CNTNAP3B: variants seen among roughly 807,000 people sequenced by gnomAD.
CNTNAP3B encodes the protein contactin-associated protein-like 3B.
In CNTNAP3B, 25 loss-of-function variants were observed where a neutral mutation model predicts 108.9. The ratio of observed to expected loss-of-function variants is 0.23; its 90% CI spans 0.17 to 0.32. CNTNAP3B has a LOEUF of 0.32. Among genes scored for constraint, CNTNAP3B ranks in the 10% least tolerant of loss-of-function variants. The pLI, the probability that CNTNAP3B is intolerant of heterozygous loss-of-function variation, is 1.00. For synonymous variants in CNTNAP3B, 103 were observed against 473.4 expected (o/e 0.22, Z 10.16); for missense variants, 252 against 1,210.4 (o/e 0.21, Z 11.75).
chr9:41,945,454 A>T (rs1347492694), intron 13 of CNTNAP3B, among the ~76,000 whole-genome samples: 1 of 151,666 alleles, frequency 6.6e-6, no homozygotes, highest in African/African-American at 2.4e-5. Flanking sequence ...GGATGAGTTC[A>T]TGTCCTTTGT....
At chr9:41,927,078 T>G (rs1353455614) in intron 15 of CNTNAP3B, among the ~76,000 whole-genome samples, 1 of 152,290 alleles carries the variant, frequency 6.6e-6, no homozygotes, top group Non-Finnish European at 1.5e-5. Context: ...TAATAATTCT[T>G]GAAGATAAAA....
chr9:42,036,257 A>G (rs1169243621), intron 3 of CNTNAP3B, among the ~76,000 whole-genome samples: 40 of 142,830 alleles, frequency 2.8e-4, no homozygotes, highest in African/African-American at 1.0e-3. Context: ...ATCTAAATAT[A>G]TGGAATAAAA....
intron 15 of CNTNAP3B, among the ~76,000 whole-genome samples, chr9:41,928,470 G>A (rs1823880695): frequency 6.6e-6 from 1 of 151,934 alleles, no homozygotes; most frequent in Non-Finnish European, 1.5e-5. Flanking sequence ...CGATAGTGAT[G>A]TTGTGTTCTC....
chr9:42,123,695 G>A lies in CNTNAP3B; in HGVS notation c.85+5315C>T, dbSNP rs1433463325. Among the ~76,000 whole-genome samples, 3 of 138,296 alleles carry A rather than the reference G, an allele frequency of 2.2e-5. 1 individual carries two copies. The highest frequency in any genetic ancestry group is 1.5e-4 in the Admixed American group (2 of 13,726). The allele number at this position is 138,296 out of a possible 152,430, so 90.7% of individuals were successfully genotyped here. ...TCCTAACTCTACATTTGCCTGAGAA[G>A]CAATGACATTCAATAAACTTTTTTC... On this transcript the variant is annotated intron_variant, in intron 1 of 23. Coordinates refer to ENST00000377561, the MANE Select transcript of CNTNAP3B (RefSeq NM_001201380.3).
chr9:42,108,002 G>A (rs182477325), intron 1 of CNTNAP3B, among the ~76,000 whole-genome samples: 1,503 of 133,786 alleles, frequency 0.011, 210 homozygotes, highest in Non-Finnish European at 0.018. Flanking sequence ...AGAAAGAAAG[G>A]CACTAAATTT....
In CNTNAP3B at chr9:42,096,088, G is replaced by A. The variant is rs989300319; in HGVS notation, c.196+8541C>T. On this transcript the variant is annotated intron_variant, in intron 2 of 23. Coordinates refer to ENST00000377561, the MANE Select transcript of CNTNAP3B (RefSeq NM_001201380.3). ...TTGGATAACTGGGGCTGTCCTCACC[G>A]GCCACCAGAGCTGCCGCAGGGCGTC... Among the ~76,000 whole-genome samples, 87 of 139,592 alleles carry A rather than the reference G, an allele frequency of 6.2e-4. 12 individuals carry two copies. The highest frequency in any genetic ancestry group is 3.5e-3 in the Middle Eastern group (1 of 286). The allele number at this position is 139,592 out of a possible 152,430, so 91.6% of individuals were successfully genotyped here.
chr9:42,028,081 T>TTATA (rs1826442807), intron 3 of CNTNAP3B, among the ~76,000 whole-genome samples: 1 of 45,440 alleles, frequency 2.2e-5, no homozygotes, highest in East Asian at 1.2e-3. Context: ...ATAATCAATG[T>TTATA]GTCACCTTTT....
intron 3 of CNTNAP3B, among the ~76,000 whole-genome samples, chr9:42,028,726 A>G (rs1402206615): frequency 6.7e-6 from 1 of 150,230 alleles, no homozygotes; most frequent in African/African-American, 2.5e-5. Context: ...TAAGGGAAAT[A>G]TGTTGATTAT....
Position 42,112,379 on chromosome 9 carries a change from C to T in CNTNAP3B, c.86-7640G>A, listed in dbSNP as rs1267301820. The stretch of plus-strand genomic sequence containing the variant: ...GCAGCACCTCACTCACAGGGAGCCA[C>T]ACAGCAGCCATGTGCGGCGGCAGAT... On this transcript the variant is annotated intron_variant, in intron 1 of 23. Coordinates refer to ENST00000377561, the MANE Select transcript of CNTNAP3B (RefSeq NM_001201380.3). Among the ~76,000 whole-genome samples, 6 of 139,402 alleles carry T rather than the reference C, an allele frequency of 4.3e-5. 1 individual carries two copies. The East Asian group carries it at 1.3e-3, about 30-fold the overall frequency. The allele number at this position is 139,402 out of a possible 152,430, so 91.5% of individuals were successfully genotyped here. A position where few individuals can be genotyped will look rare whatever the true frequency, so the allele number is the denominator to read the frequency against.
chr9:41,945,634 G>A (rs1341856840), intron 13 of CNTNAP3B, among the ~76,000 whole-genome samples: 2 of 152,310 alleles, frequency 1.3e-5, no homozygotes, highest in Admixed American at 6.5e-5. Context: ...GGGGAGAGGG[G>A]AGGAATAGCA....
At chr9:42,054,032 C>A (rs1827009374) in intron 3 of CNTNAP3B, among the ~76,000 whole-genome samples, 2 of 152,050 alleles carry the variant, frequency 1.3e-5, no homozygotes, top group Non-Finnish European at 2.9e-5. Context: ...AGCTAACTTA[C>A]TTTGAACTTC....
At chr9:41,919,752 CT>C (rs1396927473) in intron 18 of CNTNAP3B, among the ~76,000 whole-genome samples, 1 of 152,288 alleles carries the variant, frequency 6.6e-6, no homozygotes, top group African/African-American at 2.4e-5. Flanking sequence ...AAGAATGATG[CT>C]TTACTGATGT....
intron 13 of CNTNAP3B, among the ~76,000 whole-genome samples, chr9:41,943,950 T>C (rs1379155664): frequency 6.6e-6 from 1 of 152,220 alleles, no homozygotes; most frequent in African/African-American, 2.4e-5. Flanking sequence ...CAGAGTAAAA[T>C]AAAACACCTT....
chr9:42,000,491 AT>A (rs1312505993), intron 4 of CNTNAP3B, among the ~76,000 whole-genome samples: 4 of 91,562 alleles, frequency 4.4e-5, no homozygotes, highest in East Asian at 3.5e-4. Flanking sequence ...TATTTGAGCT[AT>A]TTTTTTTTAG....
intron 4 of CNTNAP3B, among the ~76,000 whole-genome samples, chr9:42,001,381 C>A (rs1223869896): frequency 7.7e-6 from 1 of 129,960 alleles, no homozygotes; most frequent in African/African-American, 3.2e-5. Flanking sequence ...GTCACTGCAC[C>A]CCAGCCTGGG....
intron 2 of CNTNAP3B, 39 bp from the exon 3 acceptor site, chr9:42,077,101 G>C: frequency 6.6e-7 from 1 of 1,524,508 alleles, no homozygotes; most frequent in Non-Finnish European, 8.8e-7. Context: ...TGGTAGAGGA[G>C]GAAGTTATTT....
In CNTNAP3B at chr9:42,110,531, TAA is replaced by T. The variant is rs370874060; in HGVS notation, c.86-5794_86-5793del. 9.4e-4 allele frequency among the ~76,000 whole-genome samples: 113 copies of T among 119,832 alleles called. 8 individuals carry two copies. Among genetic ancestry groups the T allele is most frequent in the South Asian group, 1.1e-3 (4 of 3,672 alleles). 78.6% of individuals were successfully genotyped at this position (119,832 alleles called of 152,430 possible). ...AGATGTACAGAAAACCTCTTTGTTC[TAA>T]AAAAAAAAAAAAGAAAAAAAAAGAT... On this transcript the variant is annotated intron_variant, in intron 1 of 23. Coordinates refer to ENST00000377561, the MANE Select transcript of CNTNAP3B (RefSeq NM_001201380.3).
chr9:41,934,083 C>T (rs1438792247), intron 14 of CNTNAP3B, among the ~76,000 whole-genome samples: 1 of 58,896 alleles, frequency 1.7e-5, no homozygotes, highest in South Asian at 5.3e-4. Context: ...TGTCAATTTG[C>T]CTTTGCATAT....
intron 3 of CNTNAP3B, among the ~76,000 whole-genome samples, chr9:42,030,188 T>C: frequency 1.3e-5 from 1 of 77,702 alleles, no homozygotes; most frequent in Non-Finnish European, 2.4e-5. Context: ...GAAATAAAAG[T>C]TAAGCTAAAA....
Sources: gnomAD v4.1 joint callset for allele counts (sites outside exome capture counted in the v4.1 genomes callset) on GRCh38, gnomAD v4.1.1 for gene constraint, MANE v1.5 for transcripts, NCBI Gene and HGNC (gene_info 2026-07-23, HGNC 2026-07-21) for gene names.